C17orf75: variants seen among roughly 807,000 people sequenced by gnomAD.
The protein encoded by C17orf75 is protein Njmu-R1.
A neutral mutation model predicts 49.6 loss-of-function variants in C17orf75; 32 were observed. The ratio of observed to expected loss-of-function variants is 0.65; its 90% CI spans 0.49 to 0.87. The LOEUF (loss-of-function observed/expected upper bound fraction) is 0.87, where lower values mean the gene tolerates loss of function less well. C17orf75 is among the 40% of genes least tolerant of loss of function. C17orf75 has a pLI of 0.00. For missense variants in C17orf75, 428 were observed against 473.9 expected (o/e 0.90, Z 0.90); for synonymous variants, 158 against 159.5 (o/e 0.99, Z 0.07).
chr17:32,334,987 C>T, intron 6 of C17orf75, 148 bp from the exon 7 acceptor site: 1 of 689,650 alleles, frequency 1.5e-6, no homozygotes, highest in Non-Finnish European at 2.3e-6. Flanking sequence ...CTTGTTCAGC[C>T]ACTGCTCATT....
At chr17:32,342,307 C>CTGTGGGGAG, upstream of C17orf75, 1 of 1,159,448 alleles carries the variant, frequency 8.6e-7, no homozygotes, top group Non-Finnish European at 1.1e-6. Flanking sequence ...CTCTTCTCCC[C>CTGTGGGGAG]ACAGGGGCTG....
At chr17:32,340,702 C>T (rs2041371108) in intron 2 of C17orf75, among the ~76,000 whole-genome samples, 1 of 151,484 alleles carries the variant, frequency 6.6e-6, no homozygotes, top group South Asian at 2.1e-4. Flanking sequence ...GTAATCCCAA[C>T]ACTTTGCGAG....
chr17:32,345,693 G>A (rs530404661), upstream of C17orf75, among the ~76,000 whole-genome samples: 2 of 152,228 alleles, frequency 1.3e-5, no homozygotes, highest in South Asian at 4.1e-4. Context: ...AGGCGGGCGT[G>A]GTGGCGCATG....
intron 6 of C17orf75, 119 bp downstream of exon 6, chr17:32,335,204 C>T: frequency 8.0e-7 from 1 of 1,246,970 alleles, no homozygotes. Flanking sequence ...ATCTTGATAG[C>T]AAGCATAGTT....
At chr17:32,347,130 T>C (rs1412889292), upstream of C17orf75, among the ~76,000 whole-genome samples, 1 of 151,942 alleles carries the variant, frequency 6.6e-6, no homozygotes, top group Non-Finnish European at 1.5e-5. Flanking sequence ...CCAGCTAATT[T>C]TTGTATTTTC....
rs576241181 is a variant in C17orf75 at position 32,334,657 on chromosome 17, T to C, written c.735-52A>G. 3 of 1,597,866 alleles carry C rather than the reference T, an allele frequency of 1.9e-6. No homozygotes were observed. In the African/African-American group the frequency reaches 4.0e-5, roughly 21 times the overall value. On this transcript the variant is annotated intron_variant, in intron 7 of 9. Coordinates refer to ENST00000577809, the MANE Select transcript of C17orf75 (RefSeq NM_022344.4). Reference sequence around the variant, plus strand: ...CAAACAATATTGCAGGACGGAAGGATGAAAACAAATTTATTTTGCACTGGG... The same window carrying C: ...CAAACAATATTGCAGGACGGAAGGACGAAAACAAATTTATTTTGCACTGGG...
chr17:32,335,525 G>T, intron 5 of C17orf75, 83 bp from the exon 6 acceptor site: 1 of 1,520,184 alleles, frequency 6.6e-7, no homozygotes, highest in Non-Finnish European at 8.9e-7. Context: ...TATCCTTGAT[G>T]GTGAAAAAGA....
At chr17:32,347,771 AC>A (rs1382846628) in intron 1 of C17orf75, among the ~76,000 whole-genome samples, 1 of 152,172 alleles carries the variant, frequency 6.6e-6, no homozygotes, top group East Asian at 1.9e-4. Flanking sequence ...TGATTTAATC[AC>A]CTGCTAAAGG....
chr17:32,340,500 C>G lies in C17orf75; in HGVS notation c.222-562G>C, dbSNP rs928181939. 5.9e-5 allele frequency among the ~76,000 whole-genome samples: 9 copies of G among 152,020 alleles called. No individual in the cohort carries two copies. The South Asian group carries it at 1.9e-3, about 32-fold the overall frequency. ...CTAAAAAAAAATACAAAAAAATTAG[C>G]CGGGCGTGGTGGTGGGTGCCTGTAG... On this transcript the variant is annotated intron_variant, in intron 2 of 9. Transcript: ENST00000577809.
chr17:32,341,067 G>A (rs557552096), intron 2 of C17orf75, 137 bp downstream of exon 2: 2 of 881,022 alleles, frequency 2.3e-6, no homozygotes, highest in Non-Finnish European at 1.8e-6. Flanking sequence ...TCAGGATGAG[G>A]TTCCTAGGGG....
In C17orf75 at chr17:32,331,717, G is replaced by T; in HGVS notation, c.*46C>A. 6.8e-7 allele frequency: 1 copy of T among 1,464,682 alleles called. No individual in the cohort carries two copies. Among genetic ancestry groups the T allele is most frequent in the Non-Finnish European group, 9.6e-7 (1 of 1,046,880 alleles). The allele number at this position is 1,464,682 out of a possible 1,614,324, so 90.7% of individuals were successfully genotyped here. Reference sequence around the variant, plus strand: ...TTATAACTGCAATTTCAAACACTAAGACTTAAATATACAACTTGATCATAC... The same window carrying T: ...TTATAACTGCAATTTCAAACACTAATACTTAAATATACAACTTGATCATAC... On this transcript the variant is annotated 3_prime_UTR_variant, in exon 10 of 10. Transcript: ENST00000577809.
At chr17:32,341,770 A>AAGG in intron 1 of C17orf75, 1 of 1,028,466 alleles carries the variant, frequency 9.7e-7, no homozygotes, top group Non-Finnish European at 1.2e-6. Context: ...GGGGCAGATG[A>AAGG]AGGGCACAGG....
At position 32,341,196 on chromosome 17, in the gene C17orf75, C is replaced by T; in HGVS notation, c.221+8G>A. Reference sequence around the variant, plus strand: ...CACATGCATGAATTATGCTGAAGCTCTTTTTACCTGAAATCATCACCAGAG... The same window carrying T: ...CACATGCATGAATTATGCTGAAGCTTTTTTTACCTGAAATCATCACCAGAG... On this transcript the variant is annotated splice_region_variant and intron_variant, in intron 2 of 9. Transcript: ENST00000577809. The T allele has an allele frequency of 3.1e-6, 5 of 1,613,714 alleles. No individual in the cohort carries two copies. Among genetic ancestry groups the T allele is most frequent in the Non-Finnish European group, 4.2e-6 (5 of 1,179,722 alleles).
At chr17:32,341,715 G>A in intron 1 of C17orf75, 3 of 804,502 alleles carry the variant, frequency 3.7e-6, no homozygotes, top group Non-Finnish European at 4.7e-6. Flanking sequence ...GGGGCACTGC[G>A]CTAAACAAAG....
At chr17:32,341,682 G>T in intron 1 of C17orf75, 2 of 492,726 alleles carry the variant, frequency 4.1e-6, no homozygotes, top group Non-Finnish European at 5.7e-6. Flanking sequence ...AGAGGGGACG[G>T]GAACTGAAAT....
chr17:32,332,051 A>G lies in C17orf75; in HGVS notation c.976-73T>C, dbSNP rs116000645. On this transcript the variant is annotated intron_variant, in intron 9 of 9. Coordinates refer to ENST00000577809, the MANE Select transcript of C17orf75 (RefSeq NM_022344.4). ...GAAGCTCAAAAAATAACTCCTATCC[A>G]GCTGAGAACTCAACATATCTTCCTG... The G allele has an allele frequency of 6.0e-4, 740 of 1,225,134 alleles. 2 individuals carry two copies. The African/African-American group carries it at 9.9e-3, about 16-fold the overall frequency. The allele number at this position is 1,225,134 out of a possible 1,614,324, so 75.9% of individuals were successfully genotyped here. A position where few individuals can be genotyped will look rare whatever the true frequency, so the allele number is the denominator to read the frequency against.
chr17:32,332,105 C>A (rs1194380609), intron 9 of C17orf75, 127 bp from the exon 10 acceptor site: 5 of 803,844 alleles, frequency 6.2e-6, no homozygotes, highest in Non-Finnish European at 9.5e-6. Context: ...TTAAATATTT[C>A]CAAAATTTAA....
chr17:32,348,014 C>CTT (rs752522686), intron 1 of C17orf75, among the ~76,000 whole-genome samples: 14 of 143,248 alleles, frequency 9.8e-5, no homozygotes, highest in Middle Eastern at 3.3e-3. Flanking sequence ...CCAGCCTGAA[C>CTT]TTTTTTTTTT....
chr17:32,349,903 T>C (rs2041468084), intron 1 of C17orf75: 1 of 1,057,914 alleles, frequency 9.5e-7, no homozygotes, highest in Non-Finnish European at 1.1e-6. Flanking sequence ...TTTCCGTTTT[T>C]TTGTTTTCTG....
Sources: gnomAD v4.1 joint callset for allele counts (sites outside exome capture counted in the v4.1 genomes callset) on GRCh38, gnomAD v4.1.1 for gene constraint, MANE v1.5 for transcripts, NCBI Gene and HGNC (gene_info 2026-07-23, HGNC 2026-07-21) for gene names.